The following ARMC8 variants were observed in gnomAD, a reference collection of about 807,000 sequenced individuals.
The protein encoded by ARMC8 is armadillo repeat containing 8, also known as armadillo repeat-containing protein 8.
In ARMC8, 20 loss-of-function variants were observed where a neutral mutation model predicts 99.3. The ratio of observed to expected loss-of-function variants is 0.20; its 90% CI spans 0.14 to 0.29. The LOEUF is 0.29. ARMC8 is among the 10% of genes least tolerant of loss of function. ARMC8 has a pLI of 1.00. For missense variants in ARMC8, 569 were observed against 809.5 expected (o/e 0.70, Z 3.60); for synonymous variants, 263 against 278.3 (o/e 0.95, Z 0.55).
chr3:138,263,085 T>C (rs1324045782), intron 12 of ARMC8, among the ~76,000 whole-genome samples: 1 of 152,242 alleles, frequency 6.6e-6, no homozygotes, highest in Admixed American at 6.5e-5. Context: ...GAAAAGGCTG[T>C]TTTTCAATAG....
At chr3:138,275,875 T>A (rs1236074900) in intron 18 of ARMC8, among the ~76,000 whole-genome samples, 2 of 152,132 alleles carry the variant, frequency 1.3e-5, no homozygotes, top group African/African-American at 4.8e-5. Flanking sequence ...ATGAAAAAAA[T>A]TTAACACAGA....
At chr3:138,263,026 T>TGTTTGTTAATATTTGTGTTGTGA (rs2047908213) in intron 12 of ARMC8, among the ~76,000 whole-genome samples, 1 of 152,210 alleles carries the variant, frequency 6.6e-6, no homozygotes, top group African/African-American at 2.4e-5. Context: ...TCAACAAATG[T>TGTTTGTTAATATTTGTGTTGTGA]GTTTGTTAAT....
At chr3:138,217,234 G>A (rs2045108344) in intron 2 of ARMC8, among the ~76,000 whole-genome samples, 1 of 152,088 alleles carries the variant, frequency 6.6e-6, no homozygotes, top group East Asian at 1.9e-4. Context: ...AAGCATGACT[G>A]TAATTGATTT....
At chr3:138,287,389 G>C (rs777218952) in intron 19 of ARMC8, among the ~76,000 whole-genome samples, 7 of 152,098 alleles carry the variant, frequency 4.6e-5, no homozygotes, top group Admixed American at 1.3e-4. Context: ...CTCTGTTTAA[G>C]TATTGCCACC....
At position 138,237,579 on chromosome 3, in the gene ARMC8, G is replaced by A. The variant is rs777429378; in HGVS notation, c.776+7G>A. ...AGCTCACATCAGCAAAATGGTAAAA[G>A]TCAGGACAATGTGGGAAGAAAGACA... is the stretch of plus-strand genomic sequence containing the variant. On this transcript the variant is annotated splice_region_variant and intron_variant, in intron 9 of 21. Coordinates refer to ENST00000469044, the MANE Select transcript of ARMC8 (RefSeq NM_001363941.2). The A allele has an allele frequency of 5.0e-6, 8 of 1,609,600 alleles. No homozygotes were observed. In the African/African-American group the frequency reaches 9.4e-5, roughly 19 times the overall value.
At position 138,295,955 on chromosome 3, in the gene ARMC8, G is replaced by A; in HGVS notation, c.*63G>A. On this transcript the variant is annotated 3_prime_UTR_variant, in exon 22 of 22. Coordinates refer to ENST00000469044, the MANE Select transcript of ARMC8 (RefSeq NM_001363941.2). ...CTTGTTTAAGGAAGTACAGGAACCAGCCTCATTTGATTCCTTCTATTTGCA... is the reference window on the plus strand; with the variant it reads ...CTTGTTTAAGGAAGTACAGGAACCAACCTCATTTGATTCCTTCTATTTGCA... 6.4e-7 allele frequency: 1 copy of A among 1,562,830 alleles called. No homozygotes were observed. The highest frequency in any genetic ancestry group is 1.1e-5 in the South Asian group (1 of 87,088).
At chr3:138,290,050 T>C (rs539635157) in intron 20 of ARMC8, among the ~76,000 whole-genome samples, 6 of 152,168 alleles carry the variant, frequency 3.9e-5, no homozygotes, top group Admixed American at 2.6e-4. Context: ...AGTTGGAAGA[T>C]AGAACAGAAT....
chr3:138,224,635 CA>C (rs2045587910), intron 5 of ARMC8, among the ~76,000 whole-genome samples: 1 of 152,140 alleles, frequency 6.6e-6, no homozygotes, highest in Non-Finnish European at 1.5e-5. Context: ...CCTGCAACAC[CA>C]GCTACTCGGG....
intron 11 of ARMC8, among the ~76,000 whole-genome samples, chr3:138,242,813 G>C (rs1284552159): frequency 6.6e-6 from 1 of 152,032 alleles, no homozygotes; most frequent in Non-Finnish European, 1.5e-5. Context: ...TGTTCATTTG[G>C]CTTTTAACTT....
At chr3:138,227,929 C>G (rs776801997) in intron 5 of ARMC8, among the ~76,000 whole-genome samples, 1 of 152,160 alleles carries the variant, frequency 6.6e-6, no homozygotes, top group African/African-American at 2.4e-5. Context: ...TCTGTGGTTC[C>G]AGCCAAATAC....
chr3:138,189,312 C>T (rs1050019762), intron 1 of ARMC8, among the ~76,000 whole-genome samples: 1 of 151,416 alleles, frequency 6.6e-6, no homozygotes, highest in Non-Finnish European at 1.5e-5. Context: ...AAAGGATTTC[C>T]GTAGTCCCAA....
intron 3 of ARMC8, 60 bp downstream of exon 3, chr3:138,222,057 C>T: frequency 7.5e-7 from 1 of 1,332,708 alleles, no homozygotes; most frequent in Admixed American, 1.8e-5. Flanking sequence ...GTATTTCTTA[C>T]TCTCAATTAT....
intron 15 of ARMC8, among the ~76,000 whole-genome samples, chr3:138,269,161 T>G (rs1646467249): frequency 6.6e-6 from 1 of 152,216 alleles, no homozygotes; most frequent in Admixed American, 6.5e-5. Context: ...TTGTATTTTT[T>G]GCTACTTTAT....
At chr3:138,282,687 T>C (rs1032586306) in intron 18 of ARMC8, among the ~76,000 whole-genome samples, 1 of 151,346 alleles carries the variant, frequency 6.6e-6, no homozygotes, top group Non-Finnish European at 1.5e-5. Flanking sequence ...TACCTTATCC[T>C]GTAGGCTCAG....
Position 138,241,989 on chromosome 3 carries a change from T to G in ARMC8, c.1038+6T>G. ...CCATCACTGATATTAAAAGGGTATG[T>G]TATTTTCCTTTTTTAGCAGCTCAAG... On this transcript the variant is annotated splice_donor_region_variant and intron_variant, in intron 11 of 21. Transcript: ENST00000469044. The G allele has an allele frequency of 6.2e-7, 1 of 1,612,454 alleles. No homozygotes were observed. The highest frequency in any genetic ancestry group is 8.5e-7 in the Non-Finnish European group (1 of 1,178,820).
chr3:138,239,362 A>G (rs1235395712), intron 9 of ARMC8, 106 bp from the exon 10 acceptor site: 7 of 745,418 alleles, frequency 9.4e-6, no homozygotes, highest in East Asian at 2.9e-5. Flanking sequence ...AAGATAAGTG[A>G]TATTATTTGG....
chr3:138,221,228 C>T (rs1298706217), intron 2 of ARMC8, among the ~76,000 whole-genome samples: 2 of 152,042 alleles, frequency 1.3e-5, no homozygotes, highest in African/African-American at 2.4e-5. Flanking sequence ...TTTTTTAAAT[C>T]GCCTTAAGAG....
intron 21 of ARMC8, among the ~76,000 whole-genome samples, chr3:138,291,137 A>G (rs1173737824): frequency 6.6e-6 from 1 of 152,236 alleles, no homozygotes; most frequent in Non-Finnish European, 1.5e-5. Flanking sequence ...CAAAATAGCC[A>G]TAAATGCTCT....
At position 138,289,003 on chromosome 3, in the gene ARMC8, A is replaced by G. The variant is rs566428307; in HGVS notation, c.1822-45A>G. ...TCCCCCCAAAAAAAAATCTAAAATG[A>G]GATTACCACCATTTTGATTTTTTTT... On this transcript the variant is annotated intron_variant, in intron 19 of 21. Transcript: ENST00000469044. 85 of 1,516,552 alleles carry G rather than the reference A, an allele frequency of 5.6e-5. No homozygotes were observed. In the East Asian group the frequency reaches 1.9e-3, roughly 33 times the overall value. 93.9% of individuals were successfully genotyped at this position (1,516,552 alleles called of 1,614,324 possible).
Sources: gnomAD v4.1 joint callset for allele counts (sites outside exome capture counted in the v4.1 genomes callset) on GRCh38, gnomAD v4.1.1 for gene constraint, MANE v1.5 for transcripts, NCBI Gene and HGNC (gene_info 2026-07-23, HGNC 2026-07-21) for gene names.